ETV6: variants seen among roughly 807,000 people sequenced by gnomAD.
The protein encoded by ETV6 is transcription factor ETV6.
In ETV6, 16 loss-of-function variants were observed where a neutral mutation model predicts 51.1. The observed-to-expected ratio is 0.31, with a 90% CI of 0.21 to 0.48. The LOEUF is 0.48. Ranked by LOEUF, ETV6 falls within the 20% of genes least tolerant of loss-of-function variation. ETV6 has a pLI of 0.99. For missense variants in ETV6, 458 were observed against 594.8 expected (o/e 0.77, Z 2.39); for synonymous variants, 240 against 224.1 (o/e 1.07, Z -0.64).
At chr12:11,691,893 T>A (rs895627527) in intron 1 of ETV6, among the ~76,000 whole-genome samples, 2 of 152,236 alleles carry the variant, frequency 1.3e-5, no homozygotes, top group African/African-American at 4.8e-5. Context: ...CCAGCAGTAG[T>A]ACTGCACACT....
At chr12:11,760,273 A>G in intron 2 of ETV6, among the ~76,000 whole-genome samples, 1 of 152,216 alleles carries the variant, frequency 6.6e-6, no homozygotes, top group Admixed American at 6.6e-5. Context: ...TTCTGCTTCC[A>G]GCAGATCATG....
At chr12:11,885,016 C>A (rs1027727598) in intron 6 of ETV6, among the ~76,000 whole-genome samples, 1 of 152,192 alleles carries the variant, frequency 6.6e-6, no homozygotes, top group African/African-American at 2.4e-5. Context: ...ATAGAAAATA[C>A]TTAGATTCTG....
At chr12:11,674,615 T>G (rs935171204) in intron 1 of ETV6, among the ~76,000 whole-genome samples, 1 of 133,160 alleles carries the variant, frequency 7.5e-6, no homozygotes, top group Non-Finnish European at 1.6e-5. Context: ...TAGGGGTTAT[T>G]TGTGTGTGTG....
At chr12:11,717,115 T>C (rs1436734370) in intron 1 of ETV6, among the ~76,000 whole-genome samples, 1 of 152,178 alleles carries the variant, frequency 6.6e-6, no homozygotes, top group Non-Finnish European at 1.5e-5. Context: ...TTTGCCCACG[T>C]TGTATTCCTT....
At chr12:11,801,218 A>G (rs1024385966) in intron 2 of ETV6, among the ~76,000 whole-genome samples, 5 of 152,176 alleles carry the variant, frequency 3.3e-5, no homozygotes, top group Non-Finnish European at 7.4e-5. Context: ...CAGCTGACCA[A>G]TTCTTTGTAG....
At chr12:11,674,439 G>A (rs1864376351) in intron 1 of ETV6, among the ~76,000 whole-genome samples, 1 of 152,004 alleles carries the variant, frequency 6.6e-6, no homozygotes, top group African/African-American at 2.4e-5. Flanking sequence ...GATTCTGAAA[G>A]TGGTCATAGA....
At chr12:11,803,918 TATCATC>T (rs56102557) in intron 2 of ETV6, among the ~76,000 whole-genome samples, 16 of 152,078 alleles carry the variant, frequency 1.1e-4, no homozygotes, top group Non-Finnish European at 1.8e-4. Flanking sequence ...ATATTATTAG[TATCATC>T]ATCATCATCA....
intron 3 of ETV6, among the ~76,000 whole-genome samples, chr12:11,847,052 G>A (rs1013827585): frequency 4.6e-5 from 7 of 152,178 alleles, no homozygotes; most frequent in Non-Finnish European, 1.5e-5. Context: ...GCGGTGAAAA[G>A]TGGAGGCGGG....
chr12:11,693,712 A>AGT (rs1864816457), intron 1 of ETV6, among the ~76,000 whole-genome samples: 1 of 152,184 alleles, frequency 6.6e-6, no homozygotes, highest in Non-Finnish European at 1.5e-5. Context: ...GGTGTCCTTC[A>AGT]GTGCTTTCCC....
intron 4 of ETV6, among the ~76,000 whole-genome samples, chr12:11,865,329 T>C (rs1429446120): frequency 6.6e-6 from 1 of 151,882 alleles, no homozygotes; most frequent in East Asian, 1.9e-4. Context: ...ATCATATCAC[T>C]TGAAAACTAG....
Position 11,759,675 on chromosome 12 carries a change from G to A in ETV6, c.163+7096G>A, listed in dbSNP as rs576285573. Among the ~76,000 whole-genome samples, 60 of 152,174 alleles carry A rather than the reference G, an allele frequency of 3.9e-4. No homozygotes were observed. In the South Asian group the frequency reaches 0.012, roughly 29 times the overall value. The stretch of plus-strand genomic sequence containing the variant: ...TGTGGTCTTTCTCTCGTCTTGATGG[G>A]TTTCCGCAGATTGAGGAGTTCCTGT... On this transcript the variant is annotated intron_variant, in intron 2 of 7. Transcript: ENST00000396373.
At chr12:11,662,561 G>A (rs944935484) in intron 1 of ETV6, among the ~76,000 whole-genome samples, 1 of 152,166 alleles carries the variant, frequency 6.6e-6, no homozygotes, top group African/African-American at 2.4e-5. Flanking sequence ...TTTCAGCTGT[G>A]GTCTTTGAAG....
intron 1 of ETV6, among the ~76,000 whole-genome samples, chr12:11,719,120 C>T (rs1865332693): frequency 6.6e-6 from 1 of 152,226 alleles, no homozygotes; most frequent in East Asian, 1.9e-4. Flanking sequence ...GGCTAAGCTG[C>T]CACCCTGTTA....
At chr12:11,752,693 C>T (rs982741028) in intron 2 of ETV6, 114 bp downstream of exon 2, 23 of 1,333,122 alleles carry the variant, frequency 1.7e-5, no homozygotes, top group Admixed American at 9.2e-5. Flanking sequence ...CACAGGACTT[C>T]GCCACGCTGC....
rs541151011 is a variant in ETV6 at position 11,668,025 on chromosome 12, A to G, written c.33+17865A>G. 7.2e-4 allele frequency among the ~76,000 whole-genome samples: 110 copies of G among 152,128 alleles called. No individual in the cohort carries two copies. The South Asian group carries it at 9.1e-3, about 13-fold the overall frequency. ...AATTTTTAAATTTTTTGTGGAGACA[A>G]GGTCTCACTATGTTGCCTGGCTGGT... On this transcript the variant is annotated intron_variant, in intron 1 of 7. Transcript: ENST00000396373.
At chr12:11,854,234 C>T (rs147694216) in intron 4 of ETV6, among the ~76,000 whole-genome samples, 1,994 of 151,936 alleles carry the variant, frequency 0.013, 55 homozygotes, top group African/African-American at 0.046. Context: ...AATCTAATGC[C>T]GCTGCTGATC....
In ETV6 at chr12:11,885,644, G is replaced by A. The variant is rs184813850; in HGVS notation, c.1153-282G>A. Among the ~76,000 whole-genome samples, 23 of 152,340 alleles carry A rather than the reference G, an allele frequency of 1.5e-4. 1 individual carries two copies. The East Asian group carries it at 3.1e-3, about 20-fold the overall frequency. ...GCGGTCTTGGGAAAAGGAAATAAGC[G>A]AGGCTGCTATGGGATCTGCTTTATT... On this transcript the variant is annotated intron_variant, in intron 6 of 7. Coordinates refer to ENST00000396373, the MANE Select transcript of ETV6 (RefSeq NM_001987.5).
chr12:11,851,647 A>G (rs981409703), intron 3 of ETV6, among the ~76,000 whole-genome samples: 1 of 152,214 alleles, frequency 6.6e-6, no homozygotes, highest in African/African-American at 2.4e-5. Flanking sequence ...TCCTTTTAAT[A>G]AAATGCCCAA....
At chr12:11,831,816 T>A (rs1033422749) in intron 2 of ETV6, among the ~76,000 whole-genome samples, 2 of 152,258 alleles carry the variant, frequency 1.3e-5, no homozygotes, top group African/African-American at 4.8e-5. Context: ...GTTCCTAGTT[T>A]TTCATTATTA....
Sources: allele counts gnomAD v4.1 joint callset (sites outside exome capture counted in the v4.1 genomes callset), GRCh38; gene constraint gnomAD v4.1.1; transcripts MANE v1.5; gene names NCBI Gene and HGNC (gene_info 2026-07-23, HGNC 2026-07-21).